Variants in TTC19 observed in about 807,000 individuals in gnomAD.
The protein encoded by TTC19 is tetratricopeptide repeat domain 19, also known as tetratricopeptide repeat protein 19, mitochondrial.
TTC19 carries 38 observed loss-of-function variants against 49.5 expected under a neutral mutation model. The observed-to-expected ratio is 0.77, with a 90% CI of 0.59 to 1.01. The LOEUF (loss-of-function observed/expected upper bound fraction) is 1.01, where lower values mean the gene tolerates loss of function less well. Among genes scored for constraint, TTC19 ranks in the 50% least tolerant of loss-of-function variants. The pLI is 0.00. For missense variants in TTC19, 475 were observed against 477.7 expected, an observed-to-expected ratio of 0.99 and a Z score of 0.05; for synonymous variants, 204 against 185.2, an observed-to-expected ratio of 1.10 and a Z score of -0.83.
chr17:16,022,862 G>A (rs1971426125), intron 7 of TTC19, among the ~76,000 whole-genome samples: 2 of 152,168 alleles, frequency 1.3e-5, no homozygotes, highest in Admixed American at 1.3e-4. Flanking sequence ...ATTTATGAAA[G>A]AGAATCATTT....
intron 4 of TTC19, among the ~76,000 whole-genome samples, chr17:16,003,273 T>C (rs536453831): frequency 8.5e-5 from 13 of 152,088 alleles, no homozygotes; most frequent in Non-Finnish European, 1.8e-4. Flanking sequence ...TTTTTTAAGA[T>C]AAGGTCTTGC....
chr17:16,026,617 A>G lies in TTC19; in HGVS notation c.909A>G (p.Gln303=), dbSNP rs758233250. 5 of 1,614,192 alleles carry G rather than the reference A, an allele frequency of 3.1e-6. No homozygotes were observed. In the Admixed American group the frequency reaches 8.3e-5, roughly 27 times the overall value. ...TTGATGAGGCCTATATTTATATGCA[A>G]AGGGCATCAGATCTGGCAAGACAGA... ...GRFDEAYIYM[Q]RASDLARQIN... Residue 303 remains glutamine (Q), a synonymous_variant, in exon 9 of 10, where the codon CAA becomes CAG. Transcript: ENST00000261647.
chr17:16,016,574 T>TG (rs1971222367), intron 7 of TTC19, among the ~76,000 whole-genome samples: 287 of 149,004 alleles, frequency 1.9e-3, no homozygotes, highest in African/African-American at 6.8e-3. Flanking sequence ...TTTTTTTTTT[T>TG]TGGGATGGAG....
chr17:16,010,922 A>G (rs1971051061), intron 7 of TTC19, among the ~76,000 whole-genome samples: 2 of 152,224 alleles, frequency 1.3e-5, no homozygotes, highest in African/African-American at 4.8e-5. Context: ...TGTCTACATT[A>G]TGAGTGTATG....
intron 2 of TTC19, among the ~76,000 whole-genome samples, chr17:16,042,071 A>ACT (rs1306864406): frequency 6.6e-6 from 1 of 152,058 alleles, no homozygotes; most frequent in African/African-American, 2.4e-5. Context: ...AGAAGGATGG[A>ACT]CTCTTACCCA....
chr17:16,004,800 C>G (rs2151649651), intron 6 of TTC19, among the ~76,000 whole-genome samples: 1 of 152,294 alleles, frequency 6.6e-6, no homozygotes, highest in Non-Finnish European at 1.5e-5. Flanking sequence ...GAGCCTGATG[C>G]TGTAGAAAGG....
chr17:16,007,607 G>A (rs868002002), intron 7 of TTC19, among the ~76,000 whole-genome samples: 13 of 152,152 alleles, frequency 8.5e-5, no homozygotes, highest in African/African-American at 3.1e-4. Context: ...CACAAGTACT[G>A]CAACATTGTG....
chr17:16,012,555 C>T (rs1971105743), intron 7 of TTC19, among the ~76,000 whole-genome samples: 2 of 152,016 alleles, frequency 1.3e-5, no homozygotes, highest in African/African-American at 4.8e-5. Flanking sequence ...GCTCTTCCTA[C>T]CTGGGATACT....
At position 16,027,636 on chromosome 17, in the gene TTC19, T is replaced by C; in HGVS notation, c.*114T>C. 1 of 1,315,018 alleles carries C rather than the reference T, an allele frequency of 7.6e-7. No individual in the cohort carries two copies. The allele number at this position is 1,315,018 out of a possible 1,614,324, so 81.5% of individuals were successfully genotyped here. A position where few individuals can be genotyped will look rare whatever the true frequency, so the allele number is the denominator to read the frequency against. Reference sequence around the variant, plus strand: ...ATCTGTCGTTTTTGATATTCAGGTTTCCTCAATTTAGCCTTAGTGAAGGAG... The same window carrying C: ...ATCTGTCGTTTTTGATATTCAGGTTCCCTCAATTTAGCCTTAGTGAAGGAG... On this transcript the variant is annotated 3_prime_UTR_variant, in exon 10 of 10. Coordinates refer to ENST00000261647, the MANE Select transcript of TTC19 (RefSeq NM_017775.4).
chr17:16,004,687 C>T (rs1277923802), intron 6 of TTC19, among the ~76,000 whole-genome samples: 1 of 152,170 alleles, frequency 6.6e-6, no homozygotes, highest in Non-Finnish European at 1.5e-5. Context: ...GAGAACTCCT[C>T]TAGAGAGTTG....
intron 2 of TTC19, chr17:16,040,497 A>G (rs1318829052): frequency 1.9e-6 from 3 of 1,612,886 alleles, no homozygotes; most frequent in African/African-American, 2.7e-5. Context: ...AGCAGCTGCT[A>G]TATTTAAGCA....
chr17:16,020,992 A>G (rs1567584980), intron 7 of TTC19, among the ~76,000 whole-genome samples: 1 of 151,974 alleles, frequency 6.6e-6, no homozygotes. Flanking sequence ...TAGCCCTTTT[A>G]TAATTCCTTC....
rs1199996263 is a variant in TTC19, at chr17:16,027,381, T to C, written c.1002T>C (p.Tyr334=). The stretch of plus-strand genomic sequence containing the variant: ...CTCTCTGGGTTATTTTAGAACGATA[T>C]ACACAAGCAAAAGAGATCTACCAGG... ...LAAVLMHRER[Y]TQAKEIYQEA... The change falls in exon 10 of 10, where the codon TAT becomes TAC. Residue 334 remains tyrosine (Y), a synonymous_variant. Transcript: ENST00000261647. 6.2e-6 allele frequency: 10 copies of C among 1,613,902 alleles called. No homozygotes were observed. Among genetic ancestry groups the C allele is most frequent in the Non-Finnish European group, 8.5e-6 (10 of 1,179,928 alleles).
chr17:16,004,479 G>T (rs2151649168), intron 6 of TTC19, among the ~76,000 whole-genome samples: 1 of 152,168 alleles, frequency 6.6e-6, no homozygotes, highest in East Asian at 1.9e-4. Context: ...ATCTCTGGCT[G>T]CCCTGTGACA....
intron 6 of TTC19, among the ~76,000 whole-genome samples, chr17:16,004,694 G>T (rs1051441455): frequency 2.0e-5 from 3 of 152,222 alleles, no homozygotes; most frequent in African/African-American, 7.2e-5. Flanking sequence ...CCTCTAGAGA[G>T]TTGTATTTGG....
chr17:16,036,236 T>TA (rs1358355021), intron 2 of TTC19, among the ~76,000 whole-genome samples: 14 of 152,176 alleles, frequency 9.2e-5, no homozygotes, highest in Admixed American at 3.3e-4. Context: ...AGTGGATTGT[T>TA]AATGAGCAGT....
At position 16,006,558 on chromosome 17, in the gene TTC19, C is replaced by T. The variant is rs776480102; in HGVS notation, c.666C>T (p.Asp222=). ...AAAGAGAAAAGGAATTAGCAGAAGA[C>T]ATTATGTCAGGTAGGAAACCCATTA... ...KIEREKELAE[D]IMSVEEKANT... Residue 222 remains aspartate, a synonymous_variant, in exon 7 of 10, where the codon GAC becomes GAT. Transcript: ENST00000261647. 7.5e-6 allele frequency: 12 copies of T among 1,606,454 alleles called. No homozygotes were observed. Among genetic ancestry groups the T allele is most frequent in the Non-Finnish European group, 9.4e-6 (11 of 1,173,062 alleles).
intron 7 of TTC19, 195 bp from the exon 8 acceptor site, chr17:16,024,822 G>A (rs762062123): frequency 2.5e-5 from 15 of 599,480 alleles, no homozygotes; most frequent in Non-Finnish European, 3.9e-5. Context: ...TTTAATTGAT[G>A]TGCGGACTCT....
chr17:16,004,005 T>C, intron 5 of TTC19, 118 bp downstream of exon 5: 1 of 1,206,028 alleles, frequency 8.3e-7, no homozygotes, highest in East Asian at 2.4e-5. Flanking sequence ...GAGTTTCCCT[T>C]CTGAGATCTC....
Sources: gnomAD v4.1 joint callset for allele counts (sites outside exome capture counted in the v4.1 genomes callset) on GRCh38, gnomAD v4.1.1 for gene constraint, MANE v1.5 for transcripts, NCBI Gene and HGNC (gene_info 2026-07-23, HGNC 2026-07-21) for gene names.